The following CDK17 variants were observed in gnomAD, a reference collection of about 807,000 sequenced individuals.
CDK17 encodes cyclin dependent kinase 17, also known as cyclin-dependent kinase 17.
CDK17 carries 24 observed loss-of-function variants against 77.6 expected under a neutral mutation model. The ratio of observed to expected loss-of-function variants is 0.31; its 90% CI spans 0.22 to 0.44. The LOEUF (loss-of-function observed/expected upper bound fraction) is 0.44, where lower values mean the gene tolerates loss of function less well. Among genes scored for constraint, CDK17 ranks in the 20% least tolerant of loss-of-function variants. The pLI is 1.00. For synonymous variants in CDK17, 203 were observed against 210.4 expected, an observed-to-expected ratio of 0.96 and a Z score of 0.30; for missense variants, 429 against 622.5, an observed-to-expected ratio of 0.69 and a Z score of 3.31.
At chr12:96,371,496 T>G (rs1447661163) in intron 1 of CDK17, among the ~76,000 whole-genome samples, 1 of 152,162 alleles carries the variant, frequency 6.6e-6, no homozygotes, top group Non-Finnish European at 1.5e-5. Flanking sequence ...ACAGCTACTG[T>G]AAGAATGAAA....
At chr12:96,344,272 G>A (rs1953165778) in intron 1 of CDK17, among the ~76,000 whole-genome samples, 1 of 152,144 alleles carries the variant, frequency 6.6e-6, no homozygotes, top group African/African-American at 2.4e-5. Context: ...AAGAAAGGGG[G>A]AAATATTTGA....
chr12:96,353,612 G>C (rs1358756079), intron 1 of CDK17, among the ~76,000 whole-genome samples: 1 of 150,548 alleles, frequency 6.6e-6, no homozygotes, highest in Non-Finnish European at 1.5e-5. Context: ...TGGCGGGGGG[G>C]GGCGCGGGTA....
intron 1 of CDK17, among the ~76,000 whole-genome samples, chr12:96,378,671 A>G (rs140859849): frequency 6.6e-6 from 1 of 152,384 alleles, no homozygotes; most frequent in African/African-American, 2.4e-5. Flanking sequence ...TTACATGTAT[A>G]TTGTTATTCA....
At chr12:96,297,149 C>A in intron 9 of CDK17, 121 bp downstream of exon 9, 1 of 572,150 alleles carries the variant, frequency 1.7e-6, no homozygotes, top group South Asian at 2.6e-5. Flanking sequence ...GGACAATAAC[C>A]TATTTAAAAG....
intron 14 of CDK17, among the ~76,000 whole-genome samples, chr12:96,282,955 G>A (rs144339827): frequency 2.6e-5 from 4 of 152,064 alleles, no homozygotes; most frequent in Admixed American, 2.6e-4. Flanking sequence ...TTTTATGGCA[G>A]TCATTCTTAA....
At chr12:96,318,273 A>C (rs1427024582) in intron 3 of CDK17, among the ~76,000 whole-genome samples, 3 of 152,090 alleles carry the variant, frequency 2.0e-5, no homozygotes, top group Non-Finnish European at 4.4e-5. Flanking sequence ...TATGCACCCA[A>C]TACAGGAGCA....
chr12:96,305,282 T>C (rs1952563230), intron 5 of CDK17, among the ~76,000 whole-genome samples: 1 of 152,088 alleles, frequency 6.6e-6, no homozygotes, highest in African/African-American at 2.4e-5. Context: ...CTGGAGGGAG[T>C]ATCGGGACAG....
chr12:96,314,647 G>A (rs1952685468), intron 3 of CDK17, among the ~76,000 whole-genome samples: 1 of 152,140 alleles, frequency 6.6e-6, no homozygotes, highest in Non-Finnish European at 1.5e-5. Context: ...GCATTTGTCA[G>A]TCATTATCTA....
chr12:96,286,016 C>A, intron 13 of CDK17, 27 bp downstream of exon 13: 1 of 1,109,130 alleles, frequency 9.0e-7, no homozygotes, highest in South Asian at 1.3e-5. Context: ...TGTGTTTTCC[C>A]CCCTTTCACA....
intron 10 of CDK17, among the ~76,000 whole-genome samples, chr12:96,290,366 T>C (rs753829650): frequency 7.2e-5 from 11 of 152,210 alleles, no homozygotes; most frequent in Non-Finnish European, 1.2e-4. Flanking sequence ...AGGAAGAATT[T>C]ATTTTTTAGG....
intron 3 of CDK17, 135 bp from the exon 4 acceptor site, chr12:96,313,589 A>C (rs1375018417): frequency 2.2e-6 from 1 of 452,552 alleles, no homozygotes; most frequent in Admixed American, 4.3e-5. Flanking sequence ...TGGGTGCCAC[A>C]GGTATGCAGT....
At chr12:96,387,481 A>G (rs1953994159) in intron 1 of CDK17, among the ~76,000 whole-genome samples, 1 of 152,220 alleles carries the variant, frequency 6.6e-6, no homozygotes, top group Non-Finnish European at 1.5e-5. Flanking sequence ...GTCAACAAGA[A>G]TGATTCTGAA....
intron 11 of CDK17, among the ~76,000 whole-genome samples, chr12:96,287,237 T>A (rs1280180883): frequency 1.3e-5 from 2 of 152,070 alleles, no homozygotes; most frequent in African/African-American, 4.8e-5. Context: ...CAAGACGTTT[T>A]GATGCAGGAA....
chr12:96,389,378 T>A (rs983028700), intron 1 of CDK17, among the ~76,000 whole-genome samples: 2 of 152,204 alleles, frequency 1.3e-5, no homozygotes, highest in African/African-American at 4.8e-5. Context: ...TTCTAAACTT[T>A]ATACAATAGA....
At position 96,332,368 on chromosome 12, in the gene CDK17, A is replaced by C. The variant is rs138621698; in HGVS notation, c.118+2351T>G. On this transcript the variant is annotated intron_variant, in intron 2 of 16. Transcript: ENST00000261211. ...ATGCTACTATTTGGCATTAAAGCTC[A>C]CTTTTGCTTCATAAACTGCTTACAT... 2.6e-3 allele frequency among the ~76,000 whole-genome samples: 399 copies of C among 152,322 alleles called. 4 individuals carry two copies. Among genetic ancestry groups the C allele is most frequent in the African/African-American group, 9.2e-3 (382 of 41,580 alleles).
chr12:96,294,584 C>CG (rs1952375780), intron 10 of CDK17, among the ~76,000 whole-genome samples: 1 of 54,346 alleles, frequency 1.8e-5, no homozygotes, highest in Non-Finnish European at 3.1e-5. Flanking sequence ...ATGCTGTCTT[C>CG]AAAAAAAAAA....
At chr12:96,333,505 T>A (rs1040344722) in intron 2 of CDK17, among the ~76,000 whole-genome samples, 1 of 151,624 alleles carries the variant, frequency 6.6e-6, no homozygotes, top group Non-Finnish European at 1.5e-5. Flanking sequence ...ACCCCATCCC[T>A]ACTAAAAATA....
chr12:96,350,817 G>A lies in CDK17; in HGVS notation c.-29-15952C>T, dbSNP rs116543439. ...GATTTCACAATGATTTCTTAAATAT[G>A]ACACCAAAGGCACAGGCAACAACAA... On this transcript the variant is annotated intron_variant, in intron 1 of 16. Coordinates refer to ENST00000261211, the MANE Select transcript of CDK17 (RefSeq NM_002595.5). 1.9e-3 allele frequency among the ~76,000 whole-genome samples: 293 copies of A among 152,064 alleles called. 1 individual carries two copies. Among genetic ancestry groups the A allele is most frequent in the African/African-American group, 6.7e-3 (278 of 41,470 alleles).
At chr12:96,375,120 A>G (rs11108483) in intron 1 of CDK17, among the ~76,000 whole-genome samples, 21,144 of 152,176 alleles carry the variant, frequency 0.14, 1,662 homozygotes, top group South Asian at 0.31. Flanking sequence ...TCCCTAACCC[A>G]TACAGTGTGC....
Sources: gnomAD v4.1 joint callset for allele counts (sites outside exome capture counted in the v4.1 genomes callset) on GRCh38, gnomAD v4.1.1 for gene constraint, MANE v1.5 for transcripts, NCBI Gene and HGNC (gene_info 2026-07-23, HGNC 2026-07-21) for gene names.